Variants in NMNAT2 observed in about 807,000 individuals in gnomAD.
NMNAT2 encodes the protein nicotinamide/nicotinic acid mononucleotide adenylyltransferase 2.
In NMNAT2, 11 loss-of-function variants were observed where a neutral mutation model predicts 41.6. The ratio of observed to expected loss-of-function variants is 0.26; its 90% CI spans 0.17 to 0.44. The LOEUF is 0.44. NMNAT2 is among the 20% of genes least tolerant of loss of function. The pLI is 1.00. For synonymous variants in NMNAT2, 148 were observed against 151.2 expected, an observed-to-expected ratio of 0.98 and a Z score of 0.16; for missense variants, 288 against 407.7, an observed-to-expected ratio of 0.71 and a Z score of 2.53.
At chr1:183,376,706 C>T (rs960597539) in intron 1 of NMNAT2, among the ~76,000 whole-genome samples, 2 of 152,118 alleles carry the variant, frequency 1.3e-5, no homozygotes, top group African/African-American at 4.8e-5. Context: ...CTATATAGAA[C>T]TTTAGGATCT....
chr1:183,331,377 AGAG>A (rs981409361), intron 1 of NMNAT2, among the ~76,000 whole-genome samples: 6 of 152,120 alleles, frequency 3.9e-5, no homozygotes, highest in Admixed American at 2.6e-4. Flanking sequence ...CGTGAAGGAG[AGAG>A]GAGAAGGGAG....
chr1:183,253,904 CGTGTGTGT>C (rs139756017), intron 10 of NMNAT2, among the ~76,000 whole-genome samples: 21,473 of 144,266 alleles, frequency 0.15, 1,526 homozygotes, highest in East Asian at 0.24. Flanking sequence ...GTTCCACTTC[CGTGTGTGT>C]GTGTGTGTGT....
At chr1:183,265,065 C>G (rs1462450111) in intron 8 of NMNAT2, among the ~76,000 whole-genome samples, 1 of 152,024 alleles carries the variant, frequency 6.6e-6, no homozygotes, top group Non-Finnish European at 1.5e-5. Flanking sequence ...GCATTAACTT[C>G]TCTCCTAACT....
intron 1 of NMNAT2, among the ~76,000 whole-genome samples, chr1:183,349,556 C>T (rs1343293792): frequency 6.6e-6 from 1 of 152,258 alleles, no homozygotes; most frequent in African/African-American, 2.4e-5. Context: ...GTTTAACTTA[C>T]CCAGCAAGCC....
chr1:183,403,020 G>A (rs924600972), intron 1 of NMNAT2, among the ~76,000 whole-genome samples: 5 of 148,604 alleles, frequency 3.4e-5, no homozygotes, highest in Admixed American at 1.4e-4. Flanking sequence ...TGCAAACTCC[G>A]CCTCCCAGGT....
intron 1 of NMNAT2, among the ~76,000 whole-genome samples, chr1:183,346,023 C>T (rs1662921898): frequency 1.3e-5 from 2 of 152,134 alleles, no homozygotes; most frequent in South Asian, 4.1e-4. Context: ...GTTTCAGGTA[C>T]TGTGTTATAA....
chr1:183,312,379 A>G (rs1234284841), intron 1 of NMNAT2, among the ~76,000 whole-genome samples: 1 of 151,742 alleles, frequency 6.6e-6, no homozygotes, highest in African/African-American at 2.4e-5. Flanking sequence ...TACAGTAGGC[A>G]TGAGTCACCA....
chr1:183,327,058 G>GTATGTATGTATGTATGTATT (rs141051191), intron 1 of NMNAT2, among the ~76,000 whole-genome samples: 3 of 150,838 alleles, frequency 2.0e-5, no homozygotes, highest in Non-Finnish European at 4.4e-5. Context: ...ATGTATGTAT[G>GTATGTATGTATGTATGTATT]TATTTATTTT....
intron 1 of NMNAT2, among the ~76,000 whole-genome samples, chr1:183,354,813 C>A (rs1391041309): frequency 3.3e-5 from 5 of 152,210 alleles, no homozygotes; most frequent in Non-Finnish European, 7.3e-5. Flanking sequence ...CTACTTCTCT[C>A]AATCACCACA....
intron 1 of NMNAT2, among the ~76,000 whole-genome samples, chr1:183,398,985 C>T (rs1648731487): frequency 6.6e-6 from 1 of 152,144 alleles, no homozygotes; most frequent in Non-Finnish European, 1.5e-5. Context: ...GACAACCTAA[C>T]ATCACAATTA....
chr1:183,408,904 T>C (rs2101930847), intron 1 of NMNAT2, among the ~76,000 whole-genome samples: 1 of 152,262 alleles, frequency 6.6e-6, no homozygotes, highest in Middle Eastern at 3.4e-3. Flanking sequence ...GATCTTGTAG[T>C]TGATGTGATG....
chr1:183,298,990 A>G (rs1661776572), intron 1 of NMNAT2, among the ~76,000 whole-genome samples: 1 of 152,238 alleles, frequency 6.6e-6, no homozygotes, highest in Admixed American at 6.5e-5. Flanking sequence ...ATAATCAAAT[A>G]CGGGAAACAA....
chr1:183,400,749 A>G (rs1164795215), intron 1 of NMNAT2, among the ~76,000 whole-genome samples: 4 of 152,162 alleles, frequency 2.6e-5, no homozygotes, highest in African/African-American at 9.7e-5. Flanking sequence ...GAGCCCTCAG[A>G]AATAATACCA....
At chr1:183,381,565 T>G (rs947265150) in intron 1 of NMNAT2, among the ~76,000 whole-genome samples, 2 of 151,908 alleles carry the variant, frequency 1.3e-5, no homozygotes, top group African/African-American at 4.8e-5. Context: ...GGTGTGGTGG[T>G]GTGCACCTGT....
intron 1 of NMNAT2, among the ~76,000 whole-genome samples, chr1:183,332,947 G>A (rs575944747): frequency 6.6e-6 from 1 of 152,354 alleles, no homozygotes; most frequent in South Asian, 2.1e-4. Context: ...ACCCCAGGGT[G>A]ACAGCTCTCA....
chr1:183,404,444 T>A (rs186801853), intron 1 of NMNAT2, among the ~76,000 whole-genome samples: 1 of 152,336 alleles, frequency 6.6e-6, no homozygotes, highest in East Asian at 1.9e-4. Context: ...GGGGAATGCA[T>A]ATGCTTAGAA....
intron 1 of NMNAT2, among the ~76,000 whole-genome samples, chr1:183,403,853 T>G (rs902472372): frequency 1.3e-5 from 2 of 152,214 alleles, no homozygotes; most frequent in African/African-American, 4.8e-5. Flanking sequence ...GGATTTTATT[T>G]CAATTCTTTA....
At chr1:183,287,632 G>A (rs1027918353) in intron 4 of NMNAT2, among the ~76,000 whole-genome samples, 2 of 152,244 alleles carry the variant, frequency 1.3e-5, no homozygotes, top group South Asian at 2.1e-4. Context: ...GTGATGGGGA[G>A]AGTAGCTGTT....
chr1:183,415,091 C>T (rs1649218281), intron 1 of NMNAT2, among the ~76,000 whole-genome samples: 1 of 152,152 alleles, frequency 6.6e-6, no homozygotes, highest in South Asian at 2.1e-4. Flanking sequence ...CAGCCATCCT[C>T]CCACCTCAGC....
Sources: allele counts gnomAD v4.1 joint callset (sites outside exome capture counted in the v4.1 genomes callset), GRCh38; gene constraint gnomAD v4.1.1; transcripts MANE v1.5; gene names NCBI Gene and HGNC (gene_info 2026-07-23, HGNC 2026-07-21).